The following PPP2R2B variants were observed in gnomAD, a reference collection of about 807,000 sequenced individuals.
The protein encoded by PPP2R2B is protein phosphatase 2 regulatory subunit Bbeta.
A neutral mutation model predicts 46.0 loss-of-function variants in PPP2R2B; 5 were observed. The observed-to-expected ratio is 0.11, with a 90% CI of 0.06 to 0.23. PPP2R2B has a LOEUF of 0.23. Among genes scored for constraint, PPP2R2B ranks in the 10% least tolerant of loss-of-function variants. PPP2R2B has a pLI of 1.00. For synonymous variants in PPP2R2B, 215 were observed against 206.7 expected (o/e 1.04, Z -0.34); for missense variants, 367 against 575.0 (o/e 0.64, Z 3.70).
chr5:146,834,280 A>T (rs1398176435), intron 2 of PPP2R2B, among the ~76,000 whole-genome samples: 2 of 152,166 alleles, frequency 1.3e-5, no homozygotes, highest in African/African-American at 4.8e-5. Flanking sequence ...CTCATGTTTT[A>T]TGTAGAGGAG....
chr5:147,080,452 C>CAA lies in PPP2R2B; in HGVS notation c.50+606_50+607insTT, dbSNP rs550400547. 1.8e-3 allele frequency among the ~76,000 whole-genome samples: 275 copies of CAA among 152,138 alleles called. 2 individuals are homozygous for CAA. Among genetic ancestry groups the CAA allele is most frequent in the African/African-American group, 6.2e-3 (259 of 41,516 alleles). ...CATCCAGTGTTTTGTAACGCAGACA[C>CAA]CCTTAGGGAGAGTCATGGAGGTCTC... is the stretch of plus-strand genomic sequence containing the variant. On this transcript the variant is annotated intron_variant, in intron 2 of 10. Coordinates refer to the PPP2R2B transcript ENST00000394413.
At chr5:147,034,454 C>A (rs954494012) in intron 1 of PPP2R2B, among the ~76,000 whole-genome samples, 4 of 152,068 alleles carry the variant, frequency 2.6e-5, no homozygotes, top group African/African-American at 9.7e-5. Context: ...GTCCTTATTA[C>A]TTATCTGTGG....
intron 6 of PPP2R2B, among the ~76,000 whole-genome samples, chr5:146,639,736 T>A (rs1328960940): frequency 6.6e-6 from 1 of 152,262 alleles, no homozygotes; most frequent in East Asian, 1.9e-4. Flanking sequence ...CTTAACATTT[T>A]TCTTTCAGAT....
At chr5:146,706,652 T>C in intron 2 of PPP2R2B, 1 of 839,864 alleles carries the variant, frequency 1.2e-6, no homozygotes, top group Non-Finnish European at 2.0e-6. Context: ...TCCTCCCGCC[T>C]TTGAGGCCCT....
chr5:146,858,383 C>T (rs1008990660), intron 2 of PPP2R2B, among the ~76,000 whole-genome samples: 1 of 152,142 alleles, frequency 6.6e-6, no homozygotes, highest in African/African-American at 2.4e-5. Context: ...TAATCTGTGT[C>T]AGGGACTGAA....
chr5:147,001,666 T>C (rs2151869461), intron 1 of PPP2R2B, among the ~76,000 whole-genome samples: 1 of 152,266 alleles, frequency 6.6e-6, no homozygotes, highest in East Asian at 1.9e-4. Context: ...TATCGCCAAG[T>C]GGTGAGTACC....
At chr5:146,999,013 CAAAAAAAAAAAA>C (rs60753702) in intron 1 of PPP2R2B, among the ~76,000 whole-genome samples, 3 of 65,298 alleles carry the variant, frequency 4.6e-5, no homozygotes, top group African/African-American at 2.0e-4. Flanking sequence ...GACTCCATAT[CAAAAAAAAAAAA>C]AAAAAAAAAA....
At chr5:147,038,822 G>C (rs1756161579) in intron 1 of PPP2R2B, among the ~76,000 whole-genome samples, 1 of 152,114 alleles carries the variant, frequency 6.6e-6, no homozygotes, top group Admixed American at 6.5e-5. Context: ...AACCCAGGTG[G>C]TCTGATCTAG....
intron 6 of PPP2R2B, 136 bp downstream of exon 6, chr5:146,650,411 C>T (rs533959420): frequency 1.2e-5 from 9 of 721,158 alleles, no homozygotes; most frequent in Admixed American, 3.1e-5. Flanking sequence ...CTCATAGGTG[C>T]CAGTGTATTT....
chr5:146,768,020 C>G (rs1238535891), intron 2 of PPP2R2B, among the ~76,000 whole-genome samples: 1 of 152,008 alleles, frequency 6.6e-6, no homozygotes, highest in Non-Finnish European at 1.5e-5. Context: ...ATTAGAGATT[C>G]ACAATAAGCA....
intron 1 of PPP2R2B, among the ~76,000 whole-genome samples, chr5:146,996,846 C>G (rs1753944898): frequency 6.6e-6 from 1 of 152,076 alleles, no homozygotes; most frequent in African/African-American, 2.4e-5. Flanking sequence ...TCTCCTCACT[C>G]CATGTCCCAC....
At chr5:146,864,727 C>T (rs907417499) in intron 2 of PPP2R2B, among the ~76,000 whole-genome samples, 1 of 152,214 alleles carries the variant, frequency 6.6e-6, no homozygotes, top group African/African-American at 2.4e-5. Flanking sequence ...GGTCGAAGTA[C>T]CTGGAGCTTT....
At chr5:146,803,454 T>C (rs1322806881) in intron 2 of PPP2R2B, among the ~76,000 whole-genome samples, 1 of 152,192 alleles carries the variant, frequency 6.6e-6, no homozygotes, top group African/African-American at 2.4e-5. Context: ...AGAACTGTTA[T>C]GAGAATCTAA....
intron 2 of PPP2R2B, among the ~76,000 whole-genome samples, chr5:146,716,121 G>A (rs1319954953): frequency 6.7e-6 from 1 of 150,118 alleles, no homozygotes; most frequent in Non-Finnish European, 1.5e-5. Flanking sequence ...ACCTAGCATA[G>A]GGACTGGCAT....
chr5:146,849,283 C>A (rs1228455424), intron 2 of PPP2R2B, among the ~76,000 whole-genome samples: 1 of 152,126 alleles, frequency 6.6e-6, no homozygotes, highest in African/African-American at 2.4e-5. Flanking sequence ...ATAAATATTT[C>A]TATATGTAGT....
rs1771638344 is a variant in PPP2R2B at position 146,600,185 on chromosome 5, C to T, written c.960+106G>A. ...CCATTTTACTGAATGTATCACCATG[C>T]ATTGCCTTCCATTTTGCTGCACTGT... On this transcript the variant is annotated intron_variant, in intron 8 of 9. Coordinates refer to ENST00000394411, the MANE Select transcript of PPP2R2B (RefSeq NM_181675.4). The T allele has an allele frequency of 2.6e-6, 3 of 1,163,992 alleles. No individual in the cohort carries two copies. The African/African-American group carries it at 4.6e-5, about 18-fold the overall frequency. 72.1% of individuals were successfully genotyped at this position (1,163,992 alleles called of 1,614,324 possible). A position where few individuals can be genotyped will look rare whatever the true frequency, so the allele number is the denominator to read the frequency against.
chr5:146,940,460 A>G (rs562313907), intron 1 of PPP2R2B, among the ~76,000 whole-genome samples: 1 of 151,990 alleles, frequency 6.6e-6, no homozygotes, highest in East Asian at 1.9e-4. Flanking sequence ...AGTTATACCT[A>G]CTTGTTCTGG....
At chr5:146,621,295 C>T (rs147123626) in intron 7 of PPP2R2B, among the ~76,000 whole-genome samples, 24 of 152,354 alleles carry the variant, frequency 1.6e-4, no homozygotes, top group Admixed American at 7.2e-4. Flanking sequence ...CCAGGCACTG[C>T]GCTAAACTCT....
chr5:146,945,934 C>A (rs1159615201), intron 1 of PPP2R2B, among the ~76,000 whole-genome samples: 3 of 152,216 alleles, frequency 2.0e-5, no homozygotes, highest in African/African-American at 7.2e-5. Context: ...CAGCTGCTGG[C>A]AACTCTTACC....
Sources: allele counts gnomAD v4.1 joint callset (sites outside exome capture counted in the v4.1 genomes callset), GRCh38; gene constraint gnomAD v4.1.1; transcripts MANE v1.5; gene names NCBI Gene and HGNC (gene_info 2026-07-23, HGNC 2026-07-21).